OPCML: variants seen among roughly 807,000 people sequenced by gnomAD.
OPCML encodes opioid-binding protein/cell adhesion molecule.
Under a neutral mutation model 37.8 loss-of-function variants are expected in OPCML, and 13 were observed. That is an observed-to-expected ratio of 0.34 (90% CI 0.22 to 0.55). The LOEUF is 0.55. OPCML is among the 20% of genes least tolerant of loss of function. The probability of loss-of-function intolerance (pLI) is 0.91; values close to 1 mark genes in which losing one functional copy is unlikely to be tolerated. For missense variants in OPCML, 341 were observed against 435.6 expected (o/e 0.78, Z 1.93); for synonymous variants, 176 against 168.8 (o/e 1.04, Z -0.33).
Position 132,436,739 on chromosome 11 carries a change from T to G in OPCML, c.684A>C (p.Ser228=). The change falls in exon 6 of 8, where the codon TCA becomes TCC. Residue 228 remains serine, a synonymous_variant. Transcript: ENST00000524381. ...AGCTCAGGATGCCCTTCTGACCGAC[T>G]GAAACACCAGTGTTCTTGGCTTTTG... ...YISKAKNTGV[S]VGQKGILSCE... 1 of 1,614,124 alleles carries G rather than the reference T, an allele frequency of 6.2e-7. No homozygotes were observed. Among genetic ancestry groups the G allele is most frequent in the African/African-American group, 1.3e-5 (1 of 75,018 alleles).
chr11:132,884,106 G>A (rs1347973205), intron 2 of OPCML, among the ~76,000 whole-genome samples: 1 of 152,126 alleles, frequency 6.6e-6, no homozygotes, highest in Non-Finnish European at 1.5e-5. Context: ...ATTATAGCTG[G>A]GGTTATCCAT....
Position 132,657,293 on chromosome 11 carries a change from C to T in OPCML, c.173G>A (p.Arg58Gln). The change falls in exon 3 of 8, where the codon CGG (arginine) becomes CAG (glutamine). Residue 58 changes from arginine (R) to glutamine (Q), a missense_variant. Transcript: ENST00000524381. ...LRCTIDDRVT[R>Q]VAWLNRSTIL... ...GGTGCTGCGGTTTAGCCAGGCCACC[C>T]GGGTTACCCGGTCATCTATGGTACA... The T allele has an allele frequency of 1.9e-6, 3 of 1,614,168 alleles. No homozygotes were observed. Among genetic ancestry groups the T allele is most frequent in the South Asian group, 1.1e-5 (1 of 91,074 alleles).
chr11:133,416,240 C>T (rs1467548479), intron 1 of OPCML, among the ~76,000 whole-genome samples: 1 of 152,112 alleles, frequency 6.6e-6, no homozygotes, highest in Admixed American at 6.5e-5. Context: ...AATTGATGGA[C>T]CATACACAGC....
At chr11:132,576,655 A>T (rs2096451584) in intron 3 of OPCML, among the ~76,000 whole-genome samples, 2 of 151,914 alleles carry the variant, frequency 1.3e-5, no homozygotes, top group African/African-American at 4.8e-5. Context: ...TTTATTTGGG[A>T]CATCTTTGCC....
At chr11:132,534,172 G>T (rs1056046892) in intron 3 of OPCML, among the ~76,000 whole-genome samples, 1 of 151,772 alleles carries the variant, frequency 6.6e-6, no homozygotes, top group Non-Finnish European at 1.5e-5. Flanking sequence ...TTAATGTCAC[G>T]TCCTCAGAGA....
intron 1 of OPCML, among the ~76,000 whole-genome samples, chr11:133,262,185 C>T (rs1366511753): frequency 6.6e-6 from 1 of 152,164 alleles, no homozygotes; most frequent in African/African-American, 2.4e-5. Flanking sequence ...TATGCATTAT[C>T]TCACATATTT....
At chr11:133,204,259 T>C (rs980435165) in intron 1 of OPCML, among the ~76,000 whole-genome samples, 8 of 152,212 alleles carry the variant, frequency 5.3e-5, no homozygotes, top group Non-Finnish European at 2.9e-5. Context: ...AACTGGTCAT[T>C]TGAATTACAT....
intron 1 of OPCML, among the ~76,000 whole-genome samples, chr11:133,034,598 C>T (rs1259311015): frequency 6.6e-6 from 1 of 152,150 alleles, no homozygotes; most frequent in African/African-American, 2.4e-5. Context: ...TTTACTGTGC[C>T]TCAACGTTCT....
chr11:133,264,987 T>C (rs1323153639), intron 1 of OPCML, among the ~76,000 whole-genome samples: 2 of 152,182 alleles, frequency 1.3e-5, no homozygotes, highest in African/African-American at 2.4e-5. Flanking sequence ...CTTGGAGATT[T>C]TAAACTGCCA....
intron 1 of OPCML, among the ~76,000 whole-genome samples, chr11:133,055,840 C>A (rs4937744): frequency 9.6e-4 from 143 of 148,308 alleles, no homozygotes; most frequent in African/African-American, 3.5e-3. Flanking sequence ...ATGAGGGAGC[C>A]GCCTCTACCG....
chr11:133,227,474 G>A (rs1940088649), intron 1 of OPCML, among the ~76,000 whole-genome samples: 1 of 152,126 alleles, frequency 6.6e-6, no homozygotes, highest in Non-Finnish European at 1.5e-5. Flanking sequence ...AATCCCACAC[G>A]TCTCAAGAGG....
intron 1 of OPCML, among the ~76,000 whole-genome samples, chr11:133,000,285 G>A (rs1302453708): frequency 6.6e-6 from 1 of 151,966 alleles, no homozygotes; most frequent in Non-Finnish European, 1.5e-5. Flanking sequence ...ACGAGTTTTT[G>A]TATTTTTAAT....
rs139482086 is a variant in OPCML at position 133,263,584 on chromosome 11, A to T, written c.61+268680T>A. On this transcript the variant is annotated intron_variant, in intron 1 of 7. Transcript: ENST00000524381. ...AATTGTCCAACAGTGCATTTCTTGG[A>T]ATGTATCCCCATTGTTAAGCAGTGT... Among the ~76,000 whole-genome samples, 216 of 152,180 alleles carry T rather than the reference A, an allele frequency of 1.4e-3. 5 individuals carry two copies. Among genetic ancestry groups the T allele is most frequent in the Middle Eastern group, 0.01 (3 of 294 alleles).
At chr11:133,245,412 G>T in intron 1 of OPCML, among the ~76,000 whole-genome samples, 1 of 152,210 alleles carries the variant, frequency 6.6e-6, no homozygotes, top group Non-Finnish European at 1.5e-5. Flanking sequence ...CCAACTGGCA[G>T]TTCAAGGGGC....
intron 1 of OPCML, among the ~76,000 whole-genome samples, chr11:133,079,699 C>A (rs113551550): frequency 0.011 from 1,654 of 152,240 alleles, 38 homozygotes; most frequent in African/African-American, 0.038. Context: ...CACAATTTCA[C>A]AATTTGTGAA....
At chr11:132,582,812 T>C (rs1053166790) in intron 3 of OPCML, among the ~76,000 whole-genome samples, 1 of 150,998 alleles carries the variant, frequency 6.6e-6, no homozygotes, top group Non-Finnish European at 1.5e-5. Flanking sequence ...AGGAAAATAA[T>C]AGGAGTGTCT....
intron 1 of OPCML, among the ~76,000 whole-genome samples, chr11:133,037,063 C>T (rs972454134): frequency 1.3e-5 from 2 of 152,102 alleles, no homozygotes; most frequent in African/African-American, 4.8e-5. Flanking sequence ...TGTATGGTCC[C>T]AATCGAAAAC....
intron 1 of OPCML, among the ~76,000 whole-genome samples, chr11:133,377,772 A>C (rs1268818076): frequency 6.6e-6 from 1 of 151,908 alleles, no homozygotes; most frequent in African/African-American, 2.4e-5. Flanking sequence ...CATTCTCCTC[A>C]CTAAATTATC....
chr11:132,875,138 A>G (rs1285891644), intron 2 of OPCML, among the ~76,000 whole-genome samples: 1 of 152,256 alleles, frequency 6.6e-6, no homozygotes, highest in African/African-American at 2.4e-5. Flanking sequence ...TTTTTAAAAA[A>G]TGAATAATAA....
Sources: allele counts gnomAD v4.1 joint callset (sites outside exome capture counted in the v4.1 genomes callset), GRCh38; gene constraint gnomAD v4.1.1; transcripts MANE v1.5; gene names NCBI Gene and HGNC (gene_info 2026-07-23, HGNC 2026-07-21).